C6: variants seen among roughly 807,000 people sequenced by gnomAD.
C6 encodes the protein complement C6, also known as complement component C6.
C6 carries 101 observed loss-of-function variants against 112.9 expected under a neutral mutation model. That is an observed-to-expected ratio of 0.89 (90% confidence interval 0.76 to 1.06). C6 has a LOEUF of 1.06. Ranked by LOEUF, C6 falls within the 50% of genes least tolerant of loss-of-function variation. The pLI is 0.00. For missense variants in C6, 1,202 were observed against 1,104.6 expected, an observed-to-expected ratio of 1.09 and a Z score of -1.25; for synonymous variants, 431 against 384.1, an observed-to-expected ratio of 1.12 and a Z score of -1.43.
chr5:41,235,505 T>G (rs1740233784), intron 1 of C6, among the ~76,000 whole-genome samples: 1 of 143,998 alleles, frequency 6.9e-6, no homozygotes, highest in Non-Finnish European at 1.5e-5. Flanking sequence ...GTTCCAAGTC[T>G]TTGCTATTGT....
chr5:41,163,376 G>A (rs529877967), intron 9 of C6, among the ~76,000 whole-genome samples: 3 of 150,520 alleles, frequency 2.0e-5, no homozygotes, highest in Non-Finnish European at 2.9e-5. Context: ...GCATTGGTGC[G>A]ATCTTAGCTC....
rs187650574 is a variant in C6 at position 41,170,645 on chromosome 5, A to T, written c.1291+1580T>A. On this transcript the variant is annotated intron_variant, in intron 9 of 17. Coordinates refer to ENST00000337836, the MANE Select transcript of C6 (RefSeq NM_000065.5). ...TTCTCATTTTGCTTATGCATAACAC[A>T]GTCATGTGTATGTAGACCATCTACC... Among the ~76,000 whole-genome samples, 569 of 152,216 alleles carry T rather than the reference A, an allele frequency of 3.7e-3. 3 individuals are homozygous for T. The highest frequency in any genetic ancestry group is 0.013 in the African/African-American group (544 of 41,536).
intron 15 of C6, 43 bp from the exon 16 acceptor site, chr5:41,150,068 G>A (rs1449352302): frequency 8.2e-6 from 10 of 1,213,510 alleles, no homozygotes; most frequent in Admixed American, 3.4e-5. Flanking sequence ...TGCACAGCAT[G>A]GATTCTAAGT....
intron 6 of C6, among the ~76,000 whole-genome samples, chr5:41,183,382 C>T (rs1308780748): frequency 6.6e-6 from 1 of 151,830 alleles, no homozygotes; most frequent in Non-Finnish European, 1.5e-5. Context: ...TGAAAAAATG[C>T]TCATCATCAA....
chr5:41,173,724 A>T (rs924518543), intron 8 of C6, among the ~76,000 whole-genome samples: 30 of 151,904 alleles, frequency 2.0e-4, no homozygotes, highest in African/African-American at 6.0e-4. Flanking sequence ...CTGAAGGCAT[A>T]GATCGCTGAG....
intron 1 of C6, among the ~76,000 whole-genome samples, chr5:41,247,780 C>T (rs1350024784): frequency 6.7e-6 from 1 of 149,514 alleles, no homozygotes; most frequent in East Asian, 1.9e-4. Flanking sequence ...ACAAGGAAAA[C>T]TTGTACAAGT....
At chr5:41,230,811 C>T (rs1287791686) in intron 1 of C6, among the ~76,000 whole-genome samples, 1 of 152,102 alleles carries the variant, frequency 6.6e-6, no homozygotes, top group African/African-American at 2.4e-5. Flanking sequence ...CTGTAAAATT[C>T]CTCTCTTTGT....
intron 1 of C6, among the ~76,000 whole-genome samples, chr5:41,235,224 C>T: frequency 9.3e-6 from 1 of 107,906 alleles, no homozygotes; most frequent in East Asian, 3.4e-4. Flanking sequence ...TATCCCTCCC[C>T]CCTCCCCCGA....
intron 1 of C6, among the ~76,000 whole-genome samples, chr5:41,220,952 G>A (rs900232176): frequency 6.6e-6 from 1 of 151,534 alleles, no homozygotes; most frequent in Non-Finnish European, 1.5e-5. Context: ...AAAAGAGCAA[G>A]CATCTAACAT....
intron 5 of C6, among the ~76,000 whole-genome samples, chr5:41,189,390 T>A (rs1212258650): frequency 6.6e-6 from 1 of 152,214 alleles, no homozygotes; most frequent in East Asian, 1.9e-4. Flanking sequence ...CATTAGCTGA[T>A]GAATGAATCA....
chr5:41,222,139 C>G (rs1310007738), intron 1 of C6, among the ~76,000 whole-genome samples: 1 of 150,002 alleles, frequency 6.7e-6, no homozygotes, highest in Admixed American at 6.7e-5. Flanking sequence ...GCTCTGTTGC[C>G]TGGGCGACAG....
intron 4 of C6, among the ~76,000 whole-genome samples, chr5:41,196,942 G>A (rs1395628879): frequency 6.6e-6 from 1 of 152,106 alleles, no homozygotes; most frequent in Non-Finnish European, 1.5e-5. Context: ...TTACCTTCTT[G>A]CCTGTAGTCA....
At chr5:41,201,816 G>C in intron 2 of C6, 102 bp from the exon 3 acceptor site, 1 of 1,138,012 alleles carries the variant, frequency 8.8e-7, no homozygotes, top group South Asian at 1.3e-5. Flanking sequence ...AAATAGAAAA[G>C]AAAGAAAATT....
chr5:41,208,380 C>T (rs935535982), intron 1 of C6, among the ~76,000 whole-genome samples: 1 of 152,078 alleles, frequency 6.6e-6, no homozygotes, highest in Non-Finnish European at 1.5e-5. Context: ...CAGAGCAGAA[C>T]TGAAGGACAT....
At position 41,201,104 on chromosome 5, in the gene C6, G is replaced by A. The variant is rs73753131; in HGVS notation, c.300+454C>T. Among the ~76,000 whole-genome samples the A allele has an allele frequency of 4.7e-3, 714 of 151,832 alleles. 6 individuals are homozygous for A. The highest frequency in any genetic ancestry group is 0.016 in the African/African-American group (657 of 41,416). The stretch of plus-strand genomic sequence containing the variant: ...ATTATCTTCAGGCTATATGTATAAG[G>A]TATATCTGAAACATAAATGAATTTC... On this transcript the variant is annotated intron_variant, in intron 3 of 17. Transcript: ENST00000337836.
chr5:41,218,954 A>G (rs1580216694), intron 1 of C6, among the ~76,000 whole-genome samples: 2 of 152,178 alleles, frequency 1.3e-5, no homozygotes, highest in South Asian at 4.1e-4. Context: ...CTAGTAAACT[A>G]TACTTTGAAT....
intron 13 of C6, among the ~76,000 whole-genome samples, chr5:41,158,327 C>G (rs1469778964): frequency 6.6e-6 from 1 of 152,144 alleles, no homozygotes; most frequent in African/African-American, 2.4e-5. Context: ...TAGTGTGTTT[C>G]TCTAAACATT....
intron 12 of C6, 52 bp downstream of exon 12, chr5:41,159,030 T>C: frequency 6.5e-7 from 1 of 1,530,958 alleles, no homozygotes. Context: ...ACTCTCAATG[T>C]TATTGAGAGT....
intron 5 of C6, 126 bp from the exon 6 acceptor site, chr5:41,186,334 C>A: frequency 1.0e-6 from 1 of 1,001,372 alleles, no homozygotes; most frequent in South Asian, 1.5e-5. Flanking sequence ...TGAAGGAATC[C>A]CCCACACCTC....
Sources: gnomAD v4.1 joint callset for allele counts (sites outside exome capture counted in the v4.1 genomes callset) on GRCh38, gnomAD v4.1.1 for gene constraint, MANE v1.5 for transcripts, NCBI Gene and HGNC (gene_info 2026-07-23, HGNC 2026-07-21) for gene names.